SLCO6A1: variants seen among roughly 807,000 people sequenced by gnomAD.
The protein encoded by SLCO6A1 is solute carrier organic anion transporter family member 6A1, also known as cancer/testis antigen 48.
SLCO6A1 carries 65 observed loss-of-function variants against 72.7 expected under a neutral mutation model. The ratio of observed to expected loss-of-function variants is 0.89; its 90% CI spans 0.73 to 1.10. The LOEUF is 1.10. SLCO6A1 is among the 50% of genes least tolerant of loss of function. The probability of loss-of-function intolerance (pLI) is 0.00; values close to 1 mark genes in which losing one functional copy is unlikely to be tolerated. For synonymous variants in SLCO6A1, 314 were observed against 298.2 expected, an observed-to-expected ratio of 1.05 and a Z score of -0.55; for missense variants, 874 against 872.6, an observed-to-expected ratio of 1.00 and a Z score of -0.02.
At chr5:102,485,861 G>T (rs1159692372) in intron 1 of SLCO6A1, among the ~76,000 whole-genome samples, 1 of 152,120 alleles carries the variant, frequency 6.6e-6, no homozygotes, top group Non-Finnish European at 1.5e-5. Context: ...TAAATTTGAA[G>T]TTATTACAAC....
chr5:102,434,330 G>A (rs775402785), intron 7 of SLCO6A1, among the ~76,000 whole-genome samples: 2 of 152,124 alleles, frequency 1.3e-5, no homozygotes, highest in South Asian at 4.1e-4. Context: ...TGGAGCCAAA[G>A]ACAAGCATAA....
chr5:102,445,782 A>T (rs1163441926), intron 6 of SLCO6A1, among the ~76,000 whole-genome samples: 1 of 152,176 alleles, frequency 6.6e-6, no homozygotes, highest in African/African-American at 2.4e-5. Flanking sequence ...TCAATTCCAC[A>T]TATAGCTAGC....
chr5:102,459,986 T>TA (rs1221860336), intron 4 of SLCO6A1, among the ~76,000 whole-genome samples: 1 of 152,164 alleles, frequency 6.6e-6, no homozygotes, highest in African/African-American at 2.4e-5. Flanking sequence ...TGTTTTGTCT[T>TA]ACAGGATTCT....
At chr5:102,484,917 C>T (rs566564270) in intron 1 of SLCO6A1, among the ~76,000 whole-genome samples, 7 of 152,160 alleles carry the variant, frequency 4.6e-5, no homozygotes, top group Admixed American at 4.6e-4. Flanking sequence ...TTGCTTTTTA[C>T]AGTTTTGCAG....
intron 12 of SLCO6A1, among the ~76,000 whole-genome samples, chr5:102,374,421 C>T (rs1159153184): frequency 6.6e-6 from 1 of 152,136 alleles, no homozygotes; most frequent in Admixed American, 6.6e-5. Context: ...TGGCCTCAGC[C>T]TCCTGAGTAG....
In SLCO6A1 at chr5:102,480,522, A is replaced by G. The variant is rs952836685; in HGVS notation, c.359-88T>C. Reference sequence around the variant, plus strand: ...TACAAAGCAAAATTTAAATTACATGATGTAAGTTTATTTTAAATTATTCTG... The same window carrying G: ...TACAAAGCAAAATTTAAATTACATGGTGTAAGTTTATTTTAAATTATTCTG... On this transcript the variant is annotated intron_variant, in intron 1 of 13. Transcript: ENST00000506729. The G allele has an allele frequency of 7.2e-6, 9 of 1,241,672 alleles. No individual in the cohort carries two copies. In the African/African-American group the frequency reaches 1.4e-4, roughly 19 times the overall value. 76.9% of individuals were successfully genotyped at this position (1,241,672 alleles called of 1,614,324 possible). A position where few individuals can be genotyped will look rare whatever the true frequency, so the allele number is the denominator to read the frequency against.
chr5:102,473,132 G>T (rs1580492847), intron 4 of SLCO6A1, among the ~76,000 whole-genome samples: 1 of 151,792 alleles, frequency 6.6e-6, no homozygotes, highest in Non-Finnish European at 1.5e-5. Context: ...TTTCTATGTG[G>T]CCAACATACT....
At chr5:102,486,064 A>G (rs1008911250) in intron 1 of SLCO6A1, among the ~76,000 whole-genome samples, 22 of 152,216 alleles carry the variant, frequency 1.4e-4, no homozygotes, top group Non-Finnish European at 2.4e-4. Context: ...TTTACAAGAC[A>G]AAACTCTTCA....
intron 6 of SLCO6A1, among the ~76,000 whole-genome samples, chr5:102,449,276 A>G (rs1029284914): frequency 4.0e-5 from 6 of 151,336 alleles, no homozygotes; most frequent in Admixed American, 1.3e-4. Context: ...CTTTCCCTTC[A>G]CTCTAGCTGC....
chr5:102,377,154 A>G (rs1745845341), intron 12 of SLCO6A1, among the ~76,000 whole-genome samples: 1 of 152,174 alleles, frequency 6.6e-6, no homozygotes, highest in South Asian at 2.1e-4. Flanking sequence ...ACAGAGCAAG[A>G]CATTGTCTCA....
chr5:102,387,573 A>G (rs1174600819), intron 12 of SLCO6A1, among the ~76,000 whole-genome samples: 2 of 152,004 alleles, frequency 1.3e-5, no homozygotes, highest in Non-Finnish European at 2.9e-5. Context: ...ATTTTGTTTT[A>G]TTTTACTCAG....
At position 102,467,421 on chromosome 5, in the gene SLCO6A1, A is replaced by AT. The variant is rs553806349; in HGVS notation, c.900-7645dup. ...AGTGAGAATCTCTTTAAAAAAAAAA[A>AT]TAACAAAACTGGTGGCAGGCAAGAG... On this transcript the variant is annotated intron_variant, in intron 4 of 13. Transcript: ENST00000506729. Among the ~76,000 whole-genome samples, 845 of 151,766 alleles carry AT rather than the reference A, an allele frequency of 5.6e-3. 4 individuals carry two copies. The highest frequency in any genetic ancestry group is 0.02 in the African/African-American group (808 of 41,380).
intron 12 of SLCO6A1, among the ~76,000 whole-genome samples, chr5:102,378,074 A>G (rs1243431148): frequency 2.6e-5 from 4 of 151,866 alleles, no homozygotes; most frequent in Admixed American, 6.6e-5. Flanking sequence ...TATACAATAT[A>G]TAAGTGTACC....
intron 1 of SLCO6A1, among the ~76,000 whole-genome samples, chr5:102,492,873 A>T (rs935215529): frequency 1.3e-5 from 2 of 152,182 alleles, no homozygotes; most frequent in Non-Finnish European, 2.9e-5. Context: ...TTGAGTAGGT[A>T]AACAAAGCAG....
rs768590757 is a variant in SLCO6A1 at position 102,373,489 on chromosome 5, G to A, written c.2023C>T (p.Leu675Phe). 3 of 1,463,246 alleles carry A rather than the reference G, an allele frequency of 2.1e-6. No homozygotes were observed. The East Asian group carries it at 7.6e-5, about 37-fold the overall frequency. 90.6% of individuals were successfully genotyped at this position (1,463,246 alleles called of 1,614,324 possible). The change falls in exon 13 of 14, where the codon CTT becomes TTT. Residue 675 changes from leucine to phenylalanine, a missense_variant. Physicochemically the swap from Leu to Phe is conservative, Grantham distance 22. Transcript: ENST00000506729. ...AAGATGATAGTGCATAGTTTGCAAAGAAAACCTAAATTTAAAAAATGCAAT... is the reference window on the plus strand; with the variant it reads ...AAGATGATAGTGCATAGTTTGCAAAAAAAACCTAAATTTAAAAAATGCAAT... ...MAFLLVGICF[L>F]CKLCTIIFTT...
At chr5:102,399,281 T>C (rs556629661) in intron 10 of SLCO6A1, among the ~76,000 whole-genome samples, 3 of 148,660 alleles carry the variant, frequency 2.0e-5, no homozygotes, top group South Asian at 2.1e-4. Context: ...AATATTTTTT[T>C]CCTATATTTA....
intron 10 of SLCO6A1, among the ~76,000 whole-genome samples, chr5:102,393,370 C>A (rs1019026683): frequency 6.6e-6 from 1 of 152,120 alleles, no homozygotes; most frequent in Admixed American, 6.6e-5. Flanking sequence ...GCCCCCATCA[C>A]CCTCCATGCT....
At chr5:102,409,426 A>T (rs1747849489) in intron 9 of SLCO6A1, among the ~76,000 whole-genome samples, 1 of 152,124 alleles carries the variant, frequency 6.6e-6, no homozygotes, top group Non-Finnish European at 1.5e-5. Context: ...CATTAATAGC[A>T]TATAGGTACT....
In SLCO6A1 at chr5:102,451,091, GGCAGGATTC is replaced by G. The variant is rs138611730; in HGVS notation, c.1131+7282_1131+7290del. Among the ~76,000 whole-genome samples, 1,235 of 152,268 alleles carry G rather than the reference GGCAGGATTC, an allele frequency of 8.1e-3. 12 individuals carry two copies. Among genetic ancestry groups the G allele is most frequent in the Non-Finnish European group, 0.015 (1,008 of 68,004 alleles). ...GCCCTGCCCAGTGAGGAGTCACAGG[GGCAGGATTC>G]CATGTGGAAAACAATCTGGTCGCTT... On this transcript the variant is annotated intron_variant, in intron 6 of 13. Transcript: ENST00000506729.
Sources: gnomAD v4.1 joint callset for allele counts (sites outside exome capture counted in the v4.1 genomes callset) on GRCh38, gnomAD v4.1.1 for gene constraint, MANE v1.5 for transcripts, NCBI Gene and HGNC (gene_info 2026-07-23, HGNC 2026-07-21) for gene names.